GZMK: variants seen among roughly 807,000 people sequenced by gnomAD.
The protein encoded by GZMK is NK-Tryp-2.
In GZMK, 18 loss-of-function variants were observed where a neutral mutation model predicts 22.8. The observed-to-expected ratio is 0.79, with a 90% CI of 0.54 to 1.17. The LOEUF (loss-of-function observed/expected upper bound fraction) is 1.17. GZMK is among the 50% of genes most tolerant of loss of function. The pLI, the probability that GZMK is intolerant of heterozygous loss-of-function variation, is 0.00. For missense variants in GZMK, 342 were observed against 320.2 expected, an observed-to-expected ratio of 1.07 and a Z score of -0.52; for synonymous variants, 136 against 115.0, an observed-to-expected ratio of 1.18 and a Z score of -1.17.
intron 2 of GZMK, among the ~76,000 whole-genome samples, chr5:55,027,917 G>A (rs1285678992): frequency 6.6e-6 from 1 of 152,216 alleles, no homozygotes; most frequent in African/African-American, 2.4e-5. Context: ...TCAGACTTCA[G>A]TTTAGCTAAG....
intron 4 of GZMK, among the ~76,000 whole-genome samples, chr5:55,033,511 C>T (rs1314676384): frequency 6.6e-6 from 1 of 152,160 alleles, no homozygotes; most frequent in Non-Finnish European, 1.5e-5. Flanking sequence ...GACACTGAGA[C>T]AGAGGCAGAG....
intron 2 of GZMK, among the ~76,000 whole-genome samples, chr5:55,026,373 A>G (rs1741143421): frequency 6.6e-6 from 1 of 151,912 alleles, no homozygotes; most frequent in Non-Finnish European, 1.5e-5. Context: ...GAAAGAGATT[A>G]TTGACAAAAG....
Position 55,024,345 on chromosome 5 carries a change from C to T in GZMK, c.23C>T (p.Ser8Phe). The change falls in exon 1 of 5, where the codon TCT (serine) becomes TTT (phenylalanine). Residue 8 changes from serine to phenylalanine, a missense_variant. Coordinates refer to ENST00000231009, the MANE Select transcript of GZMK (RefSeq NM_002104.3). MTKFSSF[S>F]LFFLIVGAYM... ...AAAATGACTAAGTTTTCTTCCTTTTCTCTGTTTTTCCTAATAGTTGGGGCT... is the reference window on the plus strand; with the variant it reads ...AAAATGACTAAGTTTTCTTCCTTTTTTCTGTTTTTCCTAATAGTTGGGGCT... The T allele has an allele frequency of 6.7e-7, 1 of 1,485,756 alleles. No individual in the cohort carries two copies. 92.0% of individuals were successfully genotyped at this position (1,485,756 alleles called of 1,614,324 possible).
chr5:55,031,606 T>A lies in GZMK; in HGVS notation c.606T>A (p.Asp202Glu). Reference sequence around the variant, plus strand: ...CCAAAGACATGGTCTGTGCAGGAGATGCCAAAGGCCAGAAGGATTCCTGTA... The same window carrying A: ...CCAAAGACATGGTCTGTGCAGGAGAAGCCAAAGGCCAGAAGGATTCCTGTA... ...FITKDMVCAG[D>E]AKGQKDSCKG... Residue 202 changes from aspartate to glutamate, a missense_variant, in exon 4 of 5, where the codon GAT becomes GAA. Transcript: ENST00000231009. The A allele has an allele frequency of 6.2e-7, 1 of 1,613,956 alleles. No homozygotes were observed. The highest frequency in any genetic ancestry group is 8.5e-7 in the Non-Finnish European group (1 of 1,179,818).
At chr5:55,033,691 A>G (rs1047242749) in intron 4 of GZMK, 74 bp from the exon 5 acceptor site, 1 of 1,052,286 alleles carries the variant, frequency 9.5e-7, no homozygotes, top group Admixed American at 2.4e-5. Context: ...TTGAGCAATC[A>G]GCAGTTGGTG....
chr5:55,030,424 C>G lies in GZMK; in HGVS notation c.213-10C>G. 6.2e-7 allele frequency: 1 copy of G among 1,611,506 alleles called. No homozygotes were observed. The highest frequency in any genetic ancestry group is 8.5e-7 in the Non-Finnish European group (1 of 1,179,100). The stretch of plus-strand genomic sequence containing the variant: ...CATTCTGCTGCTTTCATTGTCTTTG[C>G]TTTTTTTAGGTTTACCAAAGGCCAG... On this transcript the variant is annotated splice_polypyrimidine_tract_variant and intron_variant, in intron 2 of 4. Coordinates refer to ENST00000231009, the MANE Select transcript of GZMK (RefSeq NM_002104.3).
intron 1 of GZMK, 114 bp downstream of exon 1, chr5:55,024,500 G>A: frequency 1.3e-6 from 1 of 760,486 alleles, no homozygotes; most frequent in Non-Finnish European, 2.2e-6. Flanking sequence ...GAACTGTAAT[G>A]TATTATACAA....
chr5:55,033,842 C>T lies in GZMK; in HGVS notation c.711C>T (p.Ala237=), dbSNP rs758514928. The T allele has an allele frequency of 2.5e-6, 4 of 1,612,904 alleles. No individual in the cohort carries two copies. The highest frequency in any genetic ancestry group is 2.7e-5 in the African/African-American group (2 of 74,638). The change falls in exon 5 of 5, where the codon GCC becomes GCT. Residue 237 remains alanine, a synonymous_variant. Coordinates refer to ENST00000231009, the MANE Select transcript of GZMK (RefSeq NM_002104.3). ...IVSGGHECGV[A]TKPGIYTLLT... ...CTGGAGGTCATGAATGTGGTGTTGC[C>T]ACAAAGCCTGGAATCTACACCCTGT...
At chr5:55,024,500 GTATT>G (rs1355363514) in intron 1 of GZMK, 114 bp downstream of exon 1, 120 of 760,370 alleles carry the variant, frequency 1.6e-4, no homozygotes, top group Middle Eastern at 3.5e-4. Context: ...GAACTGTAAT[GTATT>G]ATACAAATTT....
Position 55,030,451 on chromosome 5 carries a change from C to A in GZMK, c.230C>A (p.Ser77Tyr), listed in dbSNP as rs1741208621. 6.2e-7 allele frequency: 1 copy of A among 1,613,410 alleles called. No homozygotes were observed. The highest frequency in any genetic ancestry group is 1.1e-5 in the South Asian group (1 of 90,858). The change falls in exon 3 of 5, where the codon TCT becomes TAT. Residue 77 changes from serine to tyrosine, a missense_variant. Coordinates refer to ENST00000231009, the MANE Select transcript of GZMK (RefSeq NM_002104.3). ...HCQYRFTKGQ[S>Y]PTVVLGAHSL... ...TTTTTTAGGTTTACCAAAGGCCAGT[C>A]TCCCACTGTGGTTTTAGGCGCACAC...
chr5:55,034,369 G>A lies in GZMK; in HGVS notation c.*443G>A. On this transcript the variant is annotated 3_prime_UTR_variant, in exon 5 of 5. Coordinates refer to ENST00000231009, the MANE Select transcript of GZMK (RefSeq NM_002104.3). ...TATGATACATTATTGTTAACTATAG[G>A]CATGATCTTGCAGTGCAGATCTCTA... is the stretch of plus-strand genomic sequence containing the variant. 6.4e-6 allele frequency: 1 copy of A among 155,916 alleles called. No individual in the cohort carries two copies. Among genetic ancestry groups the A allele is most frequent in the Non-Finnish European group, 1.4e-5 (1 of 70,326 alleles). The allele number at this position is 155,916 out of a possible 1,614,324, so 9.7% of individuals were successfully genotyped here. A position where few individuals can be genotyped will look rare whatever the true frequency, so the allele number is the denominator to read the frequency against.
chr5:55,025,951 G>C (rs898802971), intron 2 of GZMK, among the ~76,000 whole-genome samples: 2 of 152,138 alleles, frequency 1.3e-5, no homozygotes, highest in Admixed American at 6.5e-5. Flanking sequence ...ATTTACACAG[G>C]GTTCTTGCCC....
chr5:55,031,564 C>T lies in GZMK; in HGVS notation c.564C>T (p.Asn188=), dbSNP rs78739734. The T allele has an allele frequency of 3.4e-3, 5,475 of 1,613,730 alleles. 138 individuals carry two copies. The East Asian group carries it at 0.076, about 22-fold the overall frequency. ...TTTGCAACAGCCAAAGTTACTACAA[C>T]GGCGACCCTTTTATCACCAAAGACA... is the stretch of plus-strand genomic sequence containing the variant. ...RKLCNSQSYY[N]GDPFITKDMV... is the part of the protein sequence containing the mutation. The change falls in exon 4 of 5, where the codon AAC becomes AAT. Residue 188 remains asparagine, a synonymous_variant. Coordinates refer to ENST00000231009, the MANE Select transcript of GZMK (RefSeq NM_002104.3).
rs1299560131 is a variant in GZMK at position 55,034,411 on chromosome 5, T to C, written c.*485T>C. 2 of 152,366 alleles carry C rather than the reference T, an allele frequency of 1.3e-5. No homozygotes were observed. Among genetic ancestry groups the C allele is most frequent in the African/African-American group, 4.8e-5 (2 of 41,450 alleles). The allele number at this position is 152,366 out of a possible 1,614,324, so 9.4% of individuals were successfully genotyped here. A position where few individuals can be genotyped will look rare whatever the true frequency, so the allele number is the denominator to read the frequency against. On this transcript the variant is annotated 3_prime_UTR_variant, in exon 5 of 5. Transcript: ENST00000231009. The stretch of plus-strand genomic sequence containing the variant: ...AGATCTCTAGAACTGCTTCATCTCA[T>C]ATAAATGAAACTTTATGCCAGTTGA...
At position 55,031,629 on chromosome 5, in the gene GZMK, G is replaced by A. The variant is rs1435991847; in HGVS notation, c.629G>A (p.Cys210Tyr). Residue 210 changes from cysteine (C) to tyrosine (Y), a missense_variant, in exon 4 of 5, where the codon TGT (cysteine) becomes TAT (tyrosine). Coordinates refer to ENST00000231009, the MANE Select transcript of GZMK (RefSeq NM_002104.3). ...AGDAKGQKDSCKGDSGGPLIC... is the reference protein window; with the variant it reads ...AGDAKGQKDSYKGDSGGPLIC... The stretch of plus-strand genomic sequence containing the variant: ...GATGCCAAAGGCCAGAAGGATTCCT[G>A]TAAGGTAAGAATCTCTCTTTCAAAC... 1.2e-6 allele frequency: 2 copies of A among 1,612,196 alleles called. No homozygotes were observed. The highest frequency in any genetic ancestry group is 2.2e-5 in the East Asian group (1 of 44,846).
At position 55,031,567 on chromosome 5, in the gene GZMK, C is replaced by T. The variant is rs142007081; in HGVS notation, c.567C>T (p.Gly189=). ...GCAACAGCCAAAGTTACTACAACGG[C>T]GACCCTTTTATCACCAAAGACATGG... The part of the protein sequence containing the change: ...KLCNSQSYYN[G]DPFITKDMVC... Residue 189 remains glycine (G), a synonymous_variant, in exon 4 of 5, where the codon GGC becomes GGT. Transcript: ENST00000231009. 16 of 1,613,510 alleles carry T rather than the reference C, an allele frequency of 9.9e-6. No individual in the cohort carries two copies. The highest frequency in any genetic ancestry group is 2.2e-5 in the East Asian group (1 of 44,892).
chr5:55,031,687 C>A (rs970527121), intron 4 of GZMK, 54 bp downstream of exon 4: 3 of 1,451,740 alleles, frequency 2.1e-6, no homozygotes, highest in Non-Finnish European at 2.9e-6. Context: ...GTAGCCAAGC[C>A]TCTATTGCTC....
At chr5:55,029,129 G>A (rs1303847533) in intron 2 of GZMK, among the ~76,000 whole-genome samples, 3 of 152,134 alleles carry the variant, frequency 2.0e-5, no homozygotes, top group Non-Finnish European at 4.4e-5. Flanking sequence ...CAGCCTCTCG[G>A]GAGGCTGAGG....
intron 2 of GZMK, among the ~76,000 whole-genome samples, chr5:55,028,011 G>A (rs2111610613): frequency 6.6e-6 from 1 of 152,342 alleles, no homozygotes; most frequent in Admixed American, 6.5e-5. Flanking sequence ...ACAGTTGAAG[G>A]ATATCTAGAA....
Sources: gnomAD v4.1 joint callset for allele counts (sites outside exome capture counted in the v4.1 genomes callset) on GRCh38, gnomAD v4.1.1 for gene constraint, MANE v1.5 for transcripts, NCBI Gene and HGNC (gene_info 2026-07-23, HGNC 2026-07-21) for gene names.